Variants in CAPN8 observed in about 807,000 individuals in gnomAD.
CAPN8 encodes the protein calpain 8.
Under a neutral mutation model 80.9 loss-of-function variants are expected in CAPN8, and 87 were observed. That is an observed-to-expected ratio of 1.07 (90% CI 0.90 to 1.28). The LOEUF (loss-of-function observed/expected upper bound fraction) is 1.28, where lower values mean the gene tolerates loss of function less well. Ranked by LOEUF, CAPN8 falls within the 50% of genes most tolerant of loss-of-function variation. CAPN8 has a pLI of 0.00. For synonymous variants in CAPN8, 299 were observed against 273.8 expected (o/e 1.09, Z -0.91); for missense variants, 757 against 702.0 (o/e 1.08, Z -0.89).
intron 1 of CAPN8, among the ~76,000 whole-genome samples, chr1:223,662,477 A>G (rs1019277728): frequency 6.6e-6 from 1 of 152,142 alleles, no homozygotes; most frequent in South Asian, 2.1e-4. Context: ...AAAGAAAAAG[A>G]AAAAAGAAAA....
intron 2 of CAPN8, chr1:223,642,710 G>A: frequency 2.3e-6 from 1 of 429,854 alleles, no homozygotes; most frequent in Non-Finnish European, 4.6e-6. Context: ...GAGAGGAAAA[G>A]GAAAAAGAAA....
intron 7 of CAPN8, among the ~76,000 whole-genome samples, chr1:223,622,414 C>T (rs1338645328): frequency 6.6e-6 from 1 of 152,182 alleles, no homozygotes; most frequent in African/African-American, 2.4e-5. Flanking sequence ...TTCTCAGCAT[C>T]CTTGTTTCTT....
intron 19 of CAPN8, 56 bp from the exon 20 acceptor site, chr1:223,543,222 C>A: frequency 6.5e-7 from 1 of 1,540,436 alleles, no homozygotes; most frequent in Non-Finnish European, 8.8e-7. Context: ...GACTTTGGAA[C>A]AATCAGAGAG....
chr1:223,641,125 G>A (rs973320998), intron 2 of CAPN8, among the ~76,000 whole-genome samples: 4 of 152,118 alleles, frequency 2.6e-5, no homozygotes, highest in African/African-American at 9.7e-5. Context: ...CTCTTTGAAA[G>A]TTTTCATGAT....
intron 2 of CAPN8, among the ~76,000 whole-genome samples, chr1:223,644,865 T>C (rs1658145904): frequency 6.6e-6 from 1 of 152,072 alleles, no homozygotes. Flanking sequence ...GCCCCCAGAG[T>C]TAATCCTTCC....
At chr1:223,628,223 G>A (rs1271465109) in intron 3 of CAPN8, 81 bp from the exon 4 acceptor site, 3 of 1,430,778 alleles carry the variant, frequency 2.1e-6, no homozygotes, top group Admixed American at 2.5e-5. Flanking sequence ...CTCACGTGGG[G>A]ACTCTGTGCC....
At position 223,632,225 on chromosome 1, in the gene CAPN8, C is replaced by T. The variant is rs558020263; in HGVS notation, c.308-3445G>A. The stretch of plus-strand genomic sequence containing the variant: ...ATGAAGTGTGAATGGATTGTCATGA[C>T]GAGAATGCGTTTTCAAAGGAATATA... On this transcript the variant is annotated intron_variant, in intron 2 of 20. Transcript: ENST00000366872. 1.5e-3 allele frequency among the ~76,000 whole-genome samples: 222 copies of T among 152,216 alleles called. 1 individual carries two copies. Among genetic ancestry groups the T allele is most frequent in the African/African-American group, 4.9e-3 (202 of 41,506 alleles).
chr1:223,627,912 G>T (rs142663109), intron 4 of CAPN8, 97 bp downstream of exon 4: 16 of 1,370,836 alleles, frequency 1.2e-5, no homozygotes, highest in Middle Eastern at 3.8e-4. Context: ...ACGCCATGAC[G>T]CCCTGAGTTT....
intron 1 of CAPN8, among the ~76,000 whole-genome samples, chr1:223,655,872 T>C (rs1288634388): frequency 6.6e-6 from 1 of 152,148 alleles, no homozygotes; most frequent in East Asian, 1.9e-4. Context: ...TCAGCCTACA[T>C]TTAATCGGTG....
At chr1:223,644,677 G>C (rs1233625114) in intron 2 of CAPN8, among the ~76,000 whole-genome samples, 1 of 152,156 alleles carries the variant, frequency 6.6e-6, no homozygotes, top group Non-Finnish European at 1.5e-5. Flanking sequence ...GAAACGCAAG[G>C]CAGTCTGGGA....
chr1:223,633,967 G>C (rs925120795), intron 2 of CAPN8, among the ~76,000 whole-genome samples: 1 of 152,182 alleles, frequency 6.6e-6, no homozygotes, highest in Non-Finnish European at 1.5e-5. Context: ...CCTTGAGGTT[G>C]AACAATGGCT....
chr1:223,619,549 C>A, intron 8 of CAPN8, 96 bp from the exon 9 acceptor site: 1 of 1,318,302 alleles, frequency 7.6e-7, no homozygotes. Context: ...GTGGCACAGG[C>A]CCTAGAGGCC....
At chr1:223,642,560 CA>C (rs1405017000) in intron 2 of CAPN8, 9 of 326,214 alleles carry the variant, frequency 2.8e-5, no homozygotes, top group African/African-American at 1.3e-4. Context: ...TATTCTGGGC[CA>C]GGGGGGTCTT....
At chr1:223,663,989 A>T (rs1033070506) in intron 1 of CAPN8, among the ~76,000 whole-genome samples, 3 of 152,224 alleles carry the variant, frequency 2.0e-5, no homozygotes, top group African/African-American at 7.2e-5. Context: ...GTCATTTCAT[A>T]GCCCCTCTCC....
chr1:223,631,132 G>A (rs1025671387), intron 2 of CAPN8, among the ~76,000 whole-genome samples: 2 of 152,062 alleles, frequency 1.3e-5, no homozygotes, highest in Middle Eastern at 3.2e-3. Flanking sequence ...AACATACCCT[G>A]GTCGTTTTCA....
chr1:223,547,935 C>A (rs1231501472), intron 16 of CAPN8, among the ~76,000 whole-genome samples: 1 of 152,162 alleles, frequency 6.6e-6, no homozygotes, highest in Admixed American at 6.5e-5. Context: ...AATTGTCAAG[C>A]ATGGAGAAAA....
chr1:223,639,000 G>A (rs1387899351), intron 2 of CAPN8, among the ~76,000 whole-genome samples: 11 of 152,210 alleles, frequency 7.2e-5, no homozygotes. Flanking sequence ...AACACTTTGG[G>A]AGGCCAAGGT....
chr1:223,652,896 C>T (rs182471182), intron 2 of CAPN8, among the ~76,000 whole-genome samples: 3 of 152,048 alleles, frequency 2.0e-5, no homozygotes, highest in African/African-American at 7.2e-5. Context: ...ATTGGCAGCA[C>T]GCACTCACCA....
chr1:223,650,675 C>A lies in CAPN8; in HGVS notation c.307+3655G>T, dbSNP rs561527967. Among the ~76,000 whole-genome samples, 8 of 152,126 alleles carry A rather than the reference C, an allele frequency of 5.3e-5. No homozygotes were observed. In the South Asian group the frequency reaches 1.7e-3, roughly 32 times the overall value. On this transcript the variant is annotated intron_variant, in intron 2 of 20. Coordinates refer to ENST00000366872, the MANE Select transcript of CAPN8 (RefSeq NM_001143962.2). Reference sequence around the variant, plus strand: ...AGATCCCTGGAACCAGGCTCCAAAGCCAACAATGCCGTTCCCCTTCCATGA... The same window carrying A: ...AGATCCCTGGAACCAGGCTCCAAAGACAACAATGCCGTTCCCCTTCCATGA...
Sources: gnomAD v4.1 joint callset for allele counts (sites outside exome capture counted in the v4.1 genomes callset) on GRCh38, gnomAD v4.1.1 for gene constraint, MANE v1.5 for transcripts, NCBI Gene and HGNC (gene_info 2026-07-23, HGNC 2026-07-21) for gene names.